GPHN: variants seen among roughly 807,000 people sequenced by gnomAD.
GPHN encodes the protein gephyrin.
A neutral mutation model predicts 95.5 loss-of-function variants in GPHN; 17 were observed. The ratio of observed to expected loss-of-function variants is 0.18; its 90% CI spans 0.12 to 0.27. GPHN has a LOEUF of 0.27. Ranked by LOEUF, GPHN falls within the 10% of genes least tolerant of loss-of-function variation. GPHN has a pLI of 1.00. For missense variants in GPHN, 660 were observed against 978.1 expected (o/e 0.67, Z 4.34); for synonymous variants, 320 against 322.5 (o/e 0.99, Z 0.08).
At chr14:67,309,566 T>G in the GPHN span, among the ~76,000 whole-genome samples, 1 of 152,150 alleles carries the variant, frequency 6.6e-6, no homozygotes, top group South Asian at 2.1e-4. Context: ...CCAGTTAAAT[T>G]AGAATAGTTA....
chr14:66,994,219 A>T (rs1274096241), intron 9 of GPHN, among the ~76,000 whole-genome samples: 1 of 152,072 alleles, frequency 6.6e-6, no homozygotes, highest in Non-Finnish European at 1.5e-5. Context: ...TACAAAAATT[A>T]GCCGGGCATG....
At chr14:66,873,915 C>G (rs2063546980) in intron 4 of GPHN, among the ~76,000 whole-genome samples, 1 of 152,230 alleles carries the variant, frequency 6.6e-6, no homozygotes, top group East Asian at 1.9e-4. Flanking sequence ...AAGGGACAGA[C>G]TGCATCCTCA....
chr14:67,359,720 C>A, the GPHN span: 1 of 1,613,628 alleles, frequency 6.2e-7, no homozygotes, highest in Non-Finnish European at 8.5e-7. Context: ...CTTTTCGGCT[C>A]GGGTCCCCGG....
At chr14:67,673,768 C>T in the GPHN span, among the ~76,000 whole-genome samples, 1 of 152,136 alleles carries the variant, frequency 6.6e-6, no homozygotes. Context: ...GGATTTAGGG[C>T]CGGAAAACTC....
chr14:66,902,561 G>T (rs773000670), intron 5 of GPHN, among the ~76,000 whole-genome samples: 3 of 151,972 alleles, frequency 2.0e-5, no homozygotes, highest in Non-Finnish European at 4.4e-5. Flanking sequence ...GTTTGAATGA[G>T]GGTTTTTATC....
At chr14:67,081,480 C>G (rs1055936655) in intron 11 of GPHN, among the ~76,000 whole-genome samples, 1 of 151,954 alleles carries the variant, frequency 6.6e-6, no homozygotes, top group African/African-American at 2.4e-5. Flanking sequence ...TTAAGTTCCT[C>G]GTAGATTCTA....
chr14:66,891,249 G>C (rs1422225025), intron 5 of GPHN, among the ~76,000 whole-genome samples: 4 of 151,688 alleles, frequency 2.6e-5, no homozygotes, highest in African/African-American at 9.7e-5. Flanking sequence ...ACAAAATCAG[G>C]CTGCAAAAAT....
At chr14:67,159,744 C>T (rs186624921) in intron 19 of GPHN, among the ~76,000 whole-genome samples, 106 of 152,248 alleles carry the variant, frequency 7.0e-4, no homozygotes, top group African/African-American at 2.2e-3. Flanking sequence ...ATTCTCATCC[C>T]TAGTTCCTTC....
chr14:67,224,951 C>T, the GPHN span: 1 of 579,490 alleles, frequency 1.7e-6, no homozygotes. Flanking sequence ...AGAATAAATA[C>T]ATTTTTGATG....
chr14:67,273,985 G>T, the GPHN span, among the ~76,000 whole-genome samples: 6 of 151,872 alleles, frequency 4.0e-5, no homozygotes, highest in African/African-American at 1.5e-4. Flanking sequence ...TTTTTTCTTG[G>T]AAATTTGTTT....
At chr14:66,878,704 G>A (rs778941116) in intron 4 of GPHN, among the ~76,000 whole-genome samples, 5 of 152,096 alleles carry the variant, frequency 3.3e-5, no homozygotes, top group East Asian at 1.9e-4. Context: ...TCATTAAAAT[G>A]TCAGGAAACC....
chr14:67,056,688 C>T (rs1164097003), intron 10 of GPHN, among the ~76,000 whole-genome samples: 5 of 151,910 alleles, frequency 3.3e-5, no homozygotes, highest in Non-Finnish European at 7.4e-5. Flanking sequence ...ACGCCAGGGC[C>T]GTGGGTGGAG....
chr14:66,891,029 G>A (rs1215772936), intron 5 of GPHN, among the ~76,000 whole-genome samples: 1 of 152,150 alleles, frequency 6.6e-6, no homozygotes, highest in Non-Finnish European at 1.5e-5. Context: ...ACAAGATGGG[G>A]ATGCCCACTT....
the GPHN span, among the ~76,000 whole-genome samples, chr14:67,331,050 C>T: frequency 6.6e-6 from 1 of 151,636 alleles, no homozygotes; most frequent in Non-Finnish European, 1.5e-5. Flanking sequence ...TGTGATATTT[C>T]TTTCTTTTTT....
intron 9 of GPHN, among the ~76,000 whole-genome samples, chr14:66,970,086 T>TG (rs373979223): frequency 2.7e-4 from 33 of 120,926 alleles, no homozygotes; most frequent in African/African-American, 4.4e-4. Flanking sequence ...GCAAGTTGTG[T>TG]TTTTTTTTTT....
intron 16 of GPHN, among the ~76,000 whole-genome samples, chr14:67,122,043 T>A (rs1419364093): frequency 6.6e-6 from 1 of 152,160 alleles, no homozygotes; most frequent in African/African-American, 2.4e-5. Context: ...CCAGTGAAAT[T>A]TCAGAGTGTT....
intron 2 of GPHN, among the ~76,000 whole-genome samples, chr14:66,708,225 A>G (rs901830354): frequency 2.6e-5 from 4 of 151,018 alleles, no homozygotes. Flanking sequence ...AAAAAAAAAA[A>G]TGGCGAGCTT....
chr14:66,911,182 A>C (rs1256709226), intron 5 of GPHN, among the ~76,000 whole-genome samples: 1 of 152,030 alleles, frequency 6.6e-6, no homozygotes, highest in African/African-American at 2.4e-5. Flanking sequence ...GACATATTAT[A>C]TGTTTCCCTT....
the GPHN span, among the ~76,000 whole-genome samples, chr14:67,645,035 A>G: frequency 9.2e-5 from 14 of 152,132 alleles, no homozygotes; most frequent in Middle Eastern, 3.4e-3. Flanking sequence ...ATGCTAATAT[A>G]TATAAGGTAA....
Sources: allele counts gnomAD v4.1 joint callset (sites outside exome capture counted in the v4.1 genomes callset), GRCh38; gene constraint gnomAD v4.1.1; transcripts MANE v1.5; gene names NCBI Gene and HGNC (gene_info 2026-07-23, HGNC 2026-07-21).